Variants in CDK17 observed in about 807,000 individuals in gnomAD.
CDK17 encodes the protein cyclin dependent kinase 17.
CDK17 carries 24 observed loss-of-function variants against 77.6 expected under a neutral mutation model. The observed-to-expected ratio is 0.31, with a 90% CI of 0.22 to 0.44. The LOEUF (loss-of-function observed/expected upper bound fraction) is 0.44. CDK17 is among the 20% of genes least tolerant of loss of function. The pLI, the probability that CDK17 is intolerant of heterozygous loss-of-function variation, is 1.00. For synonymous variants in CDK17, 203 were observed against 210.4 expected (o/e 0.96, Z 0.30); for missense variants, 429 against 622.5 (o/e 0.69, Z 3.31).
At chr12:96,328,588 T>C (rs911400727) in intron 2 of CDK17, among the ~76,000 whole-genome samples, 12 of 152,034 alleles carry the variant, frequency 7.9e-5, no homozygotes, top group African/African-American at 2.4e-4. Flanking sequence ...GAGAAAAGAA[T>C]TGGGGACAAT....
chr12:96,295,778 T>C (rs1188360122), intron 9 of CDK17, among the ~76,000 whole-genome samples: 1 of 152,242 alleles, frequency 6.6e-6, no homozygotes, highest in Non-Finnish European at 1.5e-5. Flanking sequence ...ATTAGCACCG[T>C]AGTGTTCTGA....
chr12:96,334,194 C>G (rs913908014), intron 2 of CDK17, among the ~76,000 whole-genome samples: 1 of 152,168 alleles, frequency 6.6e-6, no homozygotes, highest in East Asian at 1.9e-4. Context: ...AATATGTAGC[C>G]TTCCTCTAGA....
At chr12:96,372,548 A>G (rs1216575210) in intron 1 of CDK17, among the ~76,000 whole-genome samples, 1 of 152,218 alleles carries the variant, frequency 6.6e-6, no homozygotes, top group Non-Finnish European at 1.5e-5. Flanking sequence ...ATTTCCAAGC[A>G]TACTCTATCA....
At chr12:96,343,095 TAAGA>T (rs1334383034) in intron 1 of CDK17, among the ~76,000 whole-genome samples, 2 of 152,074 alleles carry the variant, frequency 1.3e-5, no homozygotes, top group African/African-American at 2.4e-5. Context: ...AAAAATACCA[TAAGA>T]AAGACAATAT....
chr12:96,314,372 TATTTTA>T (rs946486164), intron 3 of CDK17, among the ~76,000 whole-genome samples: 9 of 152,164 alleles, frequency 5.9e-5, no homozygotes, highest in Non-Finnish European at 1.3e-4. Flanking sequence ...TGTTTTATTT[TATTTTA>T]TTTTTTTTGT....
intron 1 of CDK17, among the ~76,000 whole-genome samples, chr12:96,343,274 C>G (rs1047673813): frequency 6.6e-6 from 1 of 152,218 alleles, no homozygotes; most frequent in Non-Finnish European, 1.5e-5. Context: ...GTGCTTCATG[C>G]AGAGGCTGCT....
At chr12:96,395,804 C>G (rs1015693382) in intron 1 of CDK17, among the ~76,000 whole-genome samples, 1 of 152,164 alleles carries the variant, frequency 6.6e-6, no homozygotes, top group Non-Finnish European at 1.5e-5. Flanking sequence ...TCACCTCTCC[C>G]TCCCCTCCCT....
chr12:96,306,127 A>G (rs923507560), intron 5 of CDK17, among the ~76,000 whole-genome samples: 3 of 152,226 alleles, frequency 2.0e-5, no homozygotes, highest in African/African-American at 7.2e-5. Flanking sequence ...CTGGGGATCT[A>G]TGCGAGATTG....
At chr12:96,394,260 T>A (rs545085162) in intron 1 of CDK17, among the ~76,000 whole-genome samples, 57 of 151,086 alleles carry the variant, frequency 3.8e-4, no homozygotes, top group African/African-American at 1.3e-3. Context: ...AAAAAAAAAA[T>A]TTCTCACAAG....
chr12:96,371,857 C>G (rs1565840359), intron 1 of CDK17, among the ~76,000 whole-genome samples: 1 of 152,136 alleles, frequency 6.6e-6, no homozygotes, highest in Non-Finnish European at 1.5e-5. Flanking sequence ...TTTTAAACTG[C>G]AAATCTCACA....
chr12:96,344,799 C>T (rs749111429), intron 1 of CDK17, among the ~76,000 whole-genome samples: 18 of 151,932 alleles, frequency 1.2e-4, no homozygotes, highest in Admixed American at 5.2e-4. Context: ...TAACTTTTTG[C>T]TTTTCTTGTT....
intron 1 of CDK17, among the ~76,000 whole-genome samples, chr12:96,398,477 C>A (rs1211052880): frequency 2.0e-5 from 3 of 152,150 alleles, no homozygotes; most frequent in African/African-American, 7.2e-5. Context: ...TTTCTAGTTT[C>A]AAGGCAAGCT....
intron 10 of CDK17, among the ~76,000 whole-genome samples, chr12:96,293,628 T>C (rs1952358695): frequency 1.3e-5 from 2 of 152,202 alleles, no homozygotes; most frequent in African/African-American, 4.8e-5. Context: ...CCTATAACGA[T>C]GAACTTCTCA....
At chr12:96,316,061 G>C (rs1460623259) in intron 3 of CDK17, among the ~76,000 whole-genome samples, 6 of 152,208 alleles carry the variant, frequency 3.9e-5, no homozygotes, top group African/African-American at 1.4e-4. Context: ...CATCTCATTA[G>C]GGAGTGCCAG....
At chr12:96,333,172 A>G (rs1311222024) in intron 2 of CDK17, among the ~76,000 whole-genome samples, 8 of 152,038 alleles carry the variant, frequency 5.3e-5, no homozygotes, top group Admixed American at 5.2e-4. Flanking sequence ...CAAAAATTCA[A>G]TGAGGGGGTC....
intron 1 of CDK17, among the ~76,000 whole-genome samples, chr12:96,369,894 T>C (rs994622232): frequency 1.3e-5 from 2 of 152,136 alleles, no homozygotes; most frequent in Non-Finnish European, 2.9e-5. Flanking sequence ...GCCTGACCAA[T>C]ATGGTGAAAC....
intron 2 of CDK17, among the ~76,000 whole-genome samples, chr12:96,332,039 C>G (rs1952979022): frequency 6.6e-6 from 1 of 152,160 alleles, no homozygotes; most frequent in Non-Finnish European, 1.5e-5. Context: ...GATGCCACAC[C>G]CGCTGTAACA....
Position 96,334,744 on chromosome 12 carries a change from A to G in CDK17, c.93T>C (p.Ile31=). 6.2e-7 allele frequency: 1 copy of G among 1,604,682 alleles called. No homozygotes were observed. Among genetic ancestry groups the G allele is most frequent in the East Asian group, 2.2e-5 (1 of 44,742 alleles). ...CATTATCCTTGCTGCTGTTTTCTTC[A>G]ATAGTCATTTGTTCAGCCAATTCAG... is the stretch of plus-strand genomic sequence containing the variant. ...SLSELAEQMT[I]EENSSKDNEP... The change falls in exon 2 of 17, where the codon ATT becomes ATC. Residue 31 remains isoleucine (I), a synonymous_variant. Coordinates refer to ENST00000261211, the MANE Select transcript of CDK17 (RefSeq NM_002595.5).
At position 96,316,750 on chromosome 12, in the gene CDK17, T is replaced by C. The variant is rs1308798870; in HGVS notation, c.284-3296A>G. On this transcript the variant is annotated intron_variant, in intron 3 of 16. Transcript: ENST00000261211. The stretch of plus-strand genomic sequence containing the variant: ...AACAGACCTGCAGCTGAGGGTCCTG[T>C]CTGTTAGAAGGAAAACTAACAAACA... Among the ~76,000 whole-genome samples, 75 of 126,358 alleles carry C rather than the reference T, an allele frequency of 5.9e-4. 1 individual carries two copies. Among genetic ancestry groups the C allele is most frequent in the Non-Finnish European group, 3.9e-4 (23 of 59,494 alleles). The allele number at this position is 126,358 out of a possible 152,430, so 82.9% of individuals were successfully genotyped here. A position where few individuals can be genotyped will look rare whatever the true frequency, so the allele number is the denominator to read the frequency against.
Sources: gnomAD v4.1 joint callset for allele counts (sites outside exome capture counted in the v4.1 genomes callset) on GRCh38, gnomAD v4.1.1 for gene constraint, MANE v1.5 for transcripts, NCBI Gene and HGNC (gene_info 2026-07-23, HGNC 2026-07-21) for gene names.